Variants in GCLC observed in about 807,000 individuals in gnomAD.
GCLC encodes the protein glutamate--cysteine ligase catalytic subunit.
In GCLC, 30 loss-of-function variants were observed where a neutral mutation model predicts 81.5. The ratio of observed to expected loss-of-function variants is 0.37; its 90% CI spans 0.28 to 0.50. GCLC has a LOEUF of 0.50. GCLC is among the 20% of genes least tolerant of loss of function. GCLC has a pLI of 0.96. For missense variants in GCLC, 556 were observed against 777.4 expected, an observed-to-expected ratio of 0.72 and a Z score of 3.39; for synonymous variants, 262 against 273.3, an observed-to-expected ratio of 0.96 and a Z score of 0.41.
At chr6:53,538,036 T>C (rs1374064993) in intron 1 of GCLC, among the ~76,000 whole-genome samples, 1 of 152,096 alleles carries the variant, frequency 6.6e-6, no homozygotes, top group Non-Finnish European at 1.5e-5. Context: ...ACTCAAATAA[T>C]TGTGTTTTTG....
intron 6 of GCLC, among the ~76,000 whole-genome samples, chr6:53,511,453 T>C (rs1009965079): frequency 6.6e-6 from 1 of 152,230 alleles, no homozygotes; most frequent in African/African-American, 2.4e-5. Context: ...AAAGATACTA[T>C]GAGAAGCAGG....
At chr6:53,543,416 C>G (rs1360926718) in intron 1 of GCLC, among the ~76,000 whole-genome samples, 1 of 150,360 alleles carries the variant, frequency 6.7e-6, no homozygotes, top group Non-Finnish European at 1.5e-5. Context: ...ACAATTTCTT[C>G]AGCTGTAGGA....
At chr6:53,502,478 T>C (rs1277872986) in intron 12 of GCLC, among the ~76,000 whole-genome samples, 8 of 152,248 alleles carry the variant, frequency 5.3e-5, no homozygotes, top group Admixed American at 5.2e-4. Flanking sequence ...AGCCATGTAT[T>C]ACCCATCACA....
chr6:53,508,400 A>G (rs17880319), intron 8 of GCLC, among the ~76,000 whole-genome samples, 195 bp downstream of exon 8: 2,165 of 152,312 alleles, frequency 0.014, 24 homozygotes, highest in Middle Eastern at 0.085. Context: ...GAAAAATCGG[A>G]CTACTAATTT....
intron 1 of GCLC, among the ~76,000 whole-genome samples, chr6:53,529,505 TG>T (rs1330513993): frequency 6.6e-6 from 1 of 152,212 alleles, no homozygotes; most frequent in African/African-American, 2.4e-5. Flanking sequence ...CCAATGGGGA[TG>T]TCTGCTTATG....
chr6:53,523,006 G>C (rs1027585475), intron 1 of GCLC, among the ~76,000 whole-genome samples: 2 of 152,188 alleles, frequency 1.3e-5, no homozygotes, highest in Non-Finnish European at 2.9e-5. Context: ...CCCACTACCA[G>C]TCCCACTTTT....
At position 53,497,974 on chromosome 6, in the gene GCLC, C is replaced by G. The variant is rs1029102926; in HGVS notation, c.*782G>C. The G allele has an allele frequency of 6.7e-6, 1 of 149,792 alleles. No homozygotes were observed. The highest frequency in any genetic ancestry group is 1.5e-5 in the Non-Finnish European group (1 of 67,600). The allele number at this position is 149,792 out of a possible 1,614,324, so 9.3% of individuals were successfully genotyped here. Reference sequence around the variant, plus strand: ...TGTATAGGAAGAAAAATGATTGCCACCCCCCACCCCTGCCGCCAACTTTTT... The same window carrying G: ...TGTATAGGAAGAAAAATGATTGCCAGCCCCCACCCCTGCCGCCAACTTTTT... On this transcript the variant is annotated 3_prime_UTR_variant, in exon 16 of 16. Coordinates refer to ENST00000650454, the MANE Select transcript of GCLC (RefSeq NM_001498.4).
At chr6:53,528,114 G>A (rs546900607) in intron 1 of GCLC, among the ~76,000 whole-genome samples, 2 of 152,328 alleles carry the variant, frequency 1.3e-5, no homozygotes, top group South Asian at 4.1e-4. Context: ...ACCCAAAGAG[G>A]TGTTAGCCAT....
At chr6:53,525,740 A>G (rs1159376566) in intron 1 of GCLC, among the ~76,000 whole-genome samples, 1 of 152,204 alleles carries the variant, frequency 6.6e-6, no homozygotes, top group East Asian at 1.9e-4. Flanking sequence ...TGACCAATTT[A>G]AACTTGTGCA....
intron 12 of GCLC, among the ~76,000 whole-genome samples, chr6:53,504,089 G>A (rs1764565642): frequency 6.6e-6 from 1 of 152,222 alleles, no homozygotes; most frequent in South Asian, 2.1e-4. Flanking sequence ...CCAGCTACCT[G>A]GAAGGCTGAG....
chr6:53,520,197 T>C (rs1475213989), intron 3 of GCLC, among the ~76,000 whole-genome samples: 1 of 152,248 alleles, frequency 6.6e-6, no homozygotes, highest in Non-Finnish European at 1.5e-5. Flanking sequence ...TATGTACTTT[T>C]GGTCATAACT....
chr6:53,533,584 C>T (rs1763207484), intron 1 of GCLC, among the ~76,000 whole-genome samples: 1 of 152,062 alleles, frequency 6.6e-6, no homozygotes, highest in Non-Finnish European at 1.5e-5. Flanking sequence ...GGAATGAATT[C>T]TACCACTTCT....
intron 12 of GCLC, among the ~76,000 whole-genome samples, chr6:53,501,892 T>C (rs1764520776): frequency 6.6e-6 from 1 of 152,236 alleles, no homozygotes; most frequent in African/African-American, 2.4e-5. Context: ...AGATACTCAA[T>C]GACTTAGATT....
chr6:53,522,432 C>A lies in GCLC; in HGVS notation c.246G>T (p.Gly82=), dbSNP rs778201769. The change falls in exon 2 of 16, where the codon GGG becomes GGT. Residue 82 remains glycine, a synonymous_variant. Transcript: ENST00000650454. ...GAGCTTACTTTGGGTTTGTCCTTTC[C>A]CCCTTCTCTTGCAGAGTTTCAAGAA... ...EKVLETLQEK[G]ERTNPNHPTL... 9 of 1,602,854 alleles carry A rather than the reference C, an allele frequency of 5.6e-6. No homozygotes were observed. The highest frequency in any genetic ancestry group is 7.7e-6 in the Non-Finnish European group (9 of 1,169,788).
intron 12 of GCLC, among the ~76,000 whole-genome samples, chr6:53,503,744 G>A (rs1418426355): frequency 7.2e-6 from 1 of 139,592 alleles, no homozygotes; most frequent in Non-Finnish European, 1.5e-5. Context: ...TTATTTCTTT[G>A]ATTATTGTAT....
intron 12 of GCLC, among the ~76,000 whole-genome samples, chr6:53,505,007 C>G (rs1334355501): frequency 2.6e-5 from 4 of 152,142 alleles, no homozygotes; most frequent in African/African-American, 9.7e-5. Context: ...CAGATTAACT[C>G]CAATTTGTTT....
Position 53,516,159 on chromosome 6 carries a change from G to C in GCLC, c.510C>G (p.Ser170=). 4 of 1,613,766 alleles carry C rather than the reference G, an allele frequency of 2.5e-6. No homozygotes were observed. Among genetic ancestry groups the C allele is most frequent in the Non-Finnish European group, 3.4e-6 (4 of 1,179,692 alleles). ...CTTCATCTGGAAAGAAGAGGGACTTGGAAGCTCCTCCTTCCACTGGGTTGG... is the reference window on the plus strand; with the variant it reads ...CTTCATCTGGAAAGAAGAGGGACTTCGAAGCTCCTCCTTCCACTGGGTTGG... ...VKPNPVEGGA[S]KSLFFPDEAI... Residue 170 remains serine, a synonymous_variant, in exon 4 of 16, where the codon TCC becomes TCG. Coordinates refer to ENST00000650454, the MANE Select transcript of GCLC (RefSeq NM_001498.4).
Position 53,520,792 on chromosome 6 carries a change from T to C in GCLC, c.432A>G (p.Ile144Met), listed in dbSNP as rs1425059555. Residue 144 changes from isoleucine (I) to methionine (M), a missense_variant, in exon 3 of 16, where the codon ATA becomes ATG. Ile to Met is a conservative substitution (Grantham distance 10). Transcript: ENST00000650454. ...ILEENQALCT[I>M]TSFPRLGCPG... ...TAGGAACTAACCTGGGAAATGAAGT[T>C]ATTGTGCAAAGAGCCTGATTTTCTT... 1 of 1,614,052 alleles carries C rather than the reference T, an allele frequency of 6.2e-7. No homozygotes were observed. The highest frequency in any genetic ancestry group is 1.3e-5 in the African/African-American group (1 of 75,046).
In GCLC at chr6:53,506,230, AGGT is replaced by A. The variant is rs1764611556; in HGVS notation, c.1198-338_1198-336del. 5.7e-6 allele frequency: 2 copies of A among 351,772 alleles called. No individual in the cohort carries two copies. The highest frequency in any genetic ancestry group is 4.3e-5 in the African/African-American group (2 of 46,916). The allele number at this position is 351,772 out of a possible 1,614,324, so 21.8% of individuals were successfully genotyped here. Reference sequence around the variant, plus strand: ...ATTTTAGGAGCCAGCCTGCCTTTCCAGGTGACACTGGACACTTTCATCTGAGAA... The same window carrying A: ...ATTTTAGGAGCCAGCCTGCCTTTCCAGACACTGGACACTTTCATCTGAGAA... On this transcript the variant is annotated intron_variant, in intron 10 of 15. Transcript: ENST00000650454. The surrounding 1 kb of genome is among the most constrained non-coding windows in gnomAD (Gnocchi z 4.0).
Sources: allele counts gnomAD v4.1 joint callset (sites outside exome capture counted in the v4.1 genomes callset), GRCh38; gene constraint gnomAD v4.1.1; non-coding constraint Gnocchi (gnomAD v3.1); transcripts MANE v1.5; gene names NCBI Gene and HGNC (gene_info 2026-07-23, HGNC 2026-07-21).